Variants in WNT5A observed in about 807,000 individuals in gnomAD.
WNT5A encodes the protein Wnt family member 5A, also known as protein Wnt-5a.
Under a neutral mutation model 42.1 loss-of-function variants are expected in WNT5A, and 9 were observed. The observed-to-expected ratio is 0.21, with a 90% CI of 0.13 to 0.37. The LOEUF (loss-of-function observed/expected upper bound fraction) is 0.37, where lower values mean the gene tolerates loss of function less well. Among genes scored for constraint, WNT5A ranks in the 10% least tolerant of loss-of-function variants. The pLI is 1.00. For synonymous variants in WNT5A, 210 were observed against 210.0 expected (o/e 1.00, Z 0.00); for missense variants, 426 against 534.0 (o/e 0.80, Z 1.99).
At chr3:55,478,621 G>GT (rs1320968391) in intron 3 of WNT5A, among the ~76,000 whole-genome samples, 2 of 151,884 alleles carry the variant, frequency 1.3e-5, no homozygotes, top group Non-Finnish European at 2.9e-5. Flanking sequence ...GAATGGGGAA[G>GT]TAAGACATTC....
chr3:55,478,193 A>G (rs2051391891), intron 3 of WNT5A, among the ~76,000 whole-genome samples: 1 of 152,186 alleles, frequency 6.6e-6, no homozygotes, highest in Non-Finnish European at 1.5e-5. Flanking sequence ...CCATTCTCCC[A>G]TTCAGTCAGA....
intron 2 of WNT5A, 131 bp from the exon 3 acceptor site, chr3:55,479,695 G>C (rs1455091286): frequency 1.2e-5 from 15 of 1,270,784 alleles, no homozygotes; most frequent in African/African-American, 6.0e-5. Context: ...TCATGACAAA[G>C]TATGAGAAGG....
At chr3:55,488,639 C>G (rs868486890), upstream of WNT5A, among the ~76,000 whole-genome samples, 1 of 152,096 alleles carries the variant, frequency 6.6e-6, no homozygotes, top group African/African-American at 2.4e-5. Context: ...CTCCCCTTCT[C>G]TAAGTTCCCC....
At chr3:55,494,711 G>GC, upstream of WNT5A, among the ~76,000 whole-genome samples, 1 of 152,166 alleles carries the variant, frequency 6.6e-6, no homozygotes, top group East Asian at 1.9e-4. Flanking sequence ...GCTAATTTTT[G>GC]CATTTTTAGT....
the WNT5A span, chr3:55,497,450 C>G: frequency 2.0e-5 from 3 of 152,212 alleles, no homozygotes; most frequent in Non-Finnish European, 4.4e-5. Context: ...GCACTGTCAT[C>G]CAACAGATGA....
upstream of WNT5A, among the ~76,000 whole-genome samples, chr3:55,491,551 A>G (rs2051659421): frequency 6.6e-6 from 1 of 152,246 alleles, no homozygotes; most frequent in African/African-American, 2.4e-5. Flanking sequence ...TTTATGAACG[A>G]CTGCATCCCT....
Position 55,482,971 on chromosome 3 carries a change from GCGGCCCAGATTGGTGCTGGC to G in WNT5A, c.7-2073_7-2054del, listed in dbSNP as rs1336872344. 2.6e-5 allele frequency among the ~76,000 whole-genome samples: 4 copies of G among 152,224 alleles called. No homozygotes were observed. In the East Asian group the frequency reaches 7.7e-4, roughly 29 times the overall value. On this transcript the variant is annotated intron_variant, in intron 1 of 4. Transcript: ENST00000264634. The stretch of plus-strand genomic sequence containing the variant: ...CACGCTGCGACATGTTTCCGAGTCA[GCGGCCCAGATTGGTGCTGGC>G]CGCGTGCACTTTCCAAGCTTCGCGG...
At chr3:55,500,544 C>T in the WNT5A span, among the ~76,000 whole-genome samples, 1 of 152,178 alleles carries the variant, frequency 6.6e-6, no homozygotes, top group South Asian at 2.1e-4. Flanking sequence ...GGACATTGTG[C>T]TAAGCATAAA....
Position 55,465,948 on chromosome 3 carries a change from T to G in WNT5A, c.*4144A>C, listed in dbSNP as rs2051135803. On this transcript the variant is annotated 3_prime_UTR_variant, in exon 5 of 5. Transcript: ENST00000264634. The stretch of plus-strand genomic sequence containing the variant: ...CATACCAACCTTTAATCATTCTACA[T>G]CCATTTTTTAAAGTTAGCTAACAAG... The G allele has an allele frequency of 6.6e-6, 1 of 152,092 alleles. No homozygotes were observed. Among genetic ancestry groups the G allele is most frequent in the South Asian group, 2.1e-4 (1 of 4,826 alleles). The allele number at this position is 152,092 out of a possible 1,614,324, so 9.4% of individuals were successfully genotyped here. A position where few individuals can be genotyped will look rare whatever the true frequency, so the allele number is the denominator to read the frequency against.
At chr3:55,504,472 T>C in the WNT5A span, among the ~76,000 whole-genome samples, 131 of 67,378 alleles carry the variant, frequency 1.9e-3, no homozygotes, top group South Asian at 9.2e-3. Flanking sequence ...GGTAAACCCC[T>C]TTTTTTTTTT....
chr3:55,481,399 G>C, intron 1 of WNT5A: 1 of 985,508 alleles, frequency 1.0e-6, no homozygotes, highest in Non-Finnish European at 1.2e-6. Context: ...CGAGTGGAGC[G>C]CGCTGCCGCC....
chr3:55,486,676 A>G (rs552423459), intron 1 of WNT5A, among the ~76,000 whole-genome samples: 2 of 152,344 alleles, frequency 1.3e-5, no homozygotes, highest in South Asian at 4.1e-4. Flanking sequence ...CTCAGAGCAA[A>G]AGGAAAGTCG....
the WNT5A span, among the ~76,000 whole-genome samples, chr3:55,503,494 A>G: frequency 9.6e-3 from 1,461 of 152,358 alleles, 17 homozygotes; most frequent in Admixed American, 0.036. Flanking sequence ...CAGGATTTTA[A>G]GAGACTATAA....
In WNT5A at chr3:55,470,249, G is replaced by A. The variant is rs375700896; in HGVS notation, c.986C>T (p.Ser329Leu). The change falls in exon 5 of 5, where the codon TCG becomes TTG. Residue 329 changes from serine to leucine, a missense_variant. Ser to Leu is a moderately radical substitution (Grantham distance 145, BLOSUM62 -2). Coordinates refer to ENST00000264634, the MANE Select transcript of WNT5A (RefSeq NM_003392.7). ...GAGCTCGCAGCCATCCATGCCCTCCGACGTCTTGTTGCACAGGCGGCCCTG... is the reference window on the plus strand; with the variant it reads ...GAGCTCGCAGCCATCCATGCCCTCCAACGTCTTGTTGCACAGGCGGCCCTG... The part of the protein sequence containing the change: ...GTQGRLCNKT[S>L]EGMDGCELMC... 5 of 1,614,088 alleles carry A rather than the reference G, an allele frequency of 3.1e-6. No individual in the cohort carries two copies. Among genetic ancestry groups the A allele is most frequent in the African/African-American group, 1.3e-5 (1 of 75,074 alleles).
chr3:55,471,102 C>A (rs1210987218), intron 4 of WNT5A, among the ~76,000 whole-genome samples: 2 of 152,192 alleles, frequency 1.3e-5, no homozygotes, highest in Non-Finnish European at 2.9e-5. Context: ...TGGGAAGAGT[C>A]CAGCCCCAGT....
At position 55,479,512 on chromosome 3, in the gene WNT5A, C is replaced by A. The variant is rs745505762; in HGVS notation, c.193G>T (p.Ala65Ser). The change falls in exon 3 of 5, where the codon GCA (alanine) becomes TCA (serine). Residue 65 changes from alanine (A) to serine (S), a missense_variant. Physicochemically the swap from Ala to Ser is moderately conservative, Grantham distance 99 (BLOSUM62 1). Coordinates refer to ENST00000264634, the MANE Select transcript of WNT5A (RefSeq NM_003392.7). ...GCCAGTTGGCTGCAGAGAGGCTGTG[C>A]TCCTATAATATATACTTCTGACATC... ...VQMSEVYIIG[A>S]QPLCSQLAGL... The A allele has an allele frequency of 3.7e-6, 6 of 1,613,882 alleles. No homozygotes were observed. In the South Asian group the frequency reaches 6.6e-5, roughly 18 times the overall value.
chr3:55,479,823 A>G (rs780474721), intron 2 of WNT5A, among the ~76,000 whole-genome samples: 7 of 152,126 alleles, frequency 4.6e-5, no homozygotes, highest in Non-Finnish European at 8.8e-5. Context: ...CCCTGTCACC[A>G]TATACCTGAA....
intron 3 of WNT5A, among the ~76,000 whole-genome samples, chr3:55,475,035 T>A (rs1356636355): frequency 6.6e-6 from 1 of 151,530 alleles, no homozygotes; most frequent in East Asian, 1.9e-4. Context: ...CCAAGCAAGA[T>A]CCCCCAAAAC....
chr3:55,494,770 C>T (rs2051697877), upstream of WNT5A, among the ~76,000 whole-genome samples: 1 of 152,172 alleles, frequency 6.6e-6, no homozygotes, highest in African/African-American at 2.4e-5. Context: ...AACTCTTGAC[C>T]TCATGATCCA....
Sources: gnomAD v4.1 joint callset for allele counts (sites outside exome capture counted in the v4.1 genomes callset) on GRCh38, gnomAD v4.1.1 for gene constraint, MANE v1.5 for transcripts, NCBI Gene and HGNC (gene_info 2026-07-23, HGNC 2026-07-21) for gene names.